Variants in HIVEP3 observed in about 807,000 individuals in gnomAD.
HIVEP3 encodes the protein HIVEP zinc finger 3, also known as transcription factor HIVEP3.
HIVEP3 carries 49 observed loss-of-function variants against 152.8 expected under a neutral mutation model. The observed-to-expected ratio is 0.32, with a 90% CI of 0.26 to 0.41. The LOEUF is 0.41. HIVEP3 is among the 10% of genes least tolerant of loss of function. HIVEP3 has a pLI of 1.00. For missense variants in HIVEP3, 2,790 were observed against 3,103.3 expected, an observed-to-expected ratio of 0.90 and a Z score of 2.40; for synonymous variants, 1,269 against 1,289.0, an observed-to-expected ratio of 0.98 and a Z score of 0.33.
chr1:41,901,910 A>G (rs1644631069), intron 1 of HIVEP3, among the ~76,000 whole-genome samples: 1 of 152,188 alleles, frequency 6.6e-6, no homozygotes, highest in Non-Finnish European at 1.5e-5. Context: ...TGTTAGGGCG[A>G]GCTCCTTGTC....
At chr1:41,956,058 C>A (rs16828927) in intron 1 of HIVEP3, among the ~76,000 whole-genome samples, 3 of 152,210 alleles carry the variant, frequency 2.0e-5, no homozygotes, top group African/African-American at 7.2e-5. Flanking sequence ...GGCTGAATTC[C>A]CCAGGGAGTC....
intron 5 of HIVEP3, among the ~76,000 whole-genome samples, chr1:41,529,153 TCACCCTCACACATGCTCACACCC>T (rs1643143957): frequency 3.7e-5 from 1 of 26,908 alleles, no homozygotes; most frequent in Non-Finnish European, 7.0e-5. Flanking sequence ...ACACACACCC[TCACCCTCACACATGCTCACACCC>T]CACCCTCACA....
chr1:41,540,055 G>A (rs192212089), intron 5 of HIVEP3, among the ~76,000 whole-genome samples: 2 of 152,360 alleles, frequency 1.3e-5, no homozygotes, highest in East Asian at 3.9e-4. Context: ...GGTGGTGAAG[G>A]AGAGGAAAGG....
chr1:41,898,205 G>A (rs532180524), intron 1 of HIVEP3, among the ~76,000 whole-genome samples: 229 of 152,328 alleles, frequency 1.5e-3, no homozygotes, highest in African/African-American at 5.3e-3. Flanking sequence ...TCACTGTATG[G>A]ACACAAAACT....
At chr1:41,955,273 AG>A (rs1291798389) in intron 1 of HIVEP3, among the ~76,000 whole-genome samples, 2 of 152,114 alleles carry the variant, frequency 1.3e-5, no homozygotes, top group East Asian at 3.9e-4. Context: ...GAGCCGTTTT[AG>A]AAAAATTGTG....
chr1:41,952,289 G>A (rs1215085700), intron 1 of HIVEP3, among the ~76,000 whole-genome samples: 2 of 152,166 alleles, frequency 1.3e-5, no homozygotes, highest in African/African-American at 4.8e-5. Context: ...AGATAAGAGG[G>A]TGATCAACTT....
intron 1 of HIVEP3, among the ~76,000 whole-genome samples, chr1:41,941,337 G>A (rs564693555): frequency 3.9e-5 from 6 of 152,306 alleles, no homozygotes; most frequent in African/African-American, 1.2e-4. Flanking sequence ...ACTGGAAGAC[G>A]ATGGCCAAGG....
intron 5 of HIVEP3, among the ~76,000 whole-genome samples, chr1:41,575,228 G>C (rs1644308624): frequency 6.6e-6 from 1 of 152,218 alleles, no homozygotes; most frequent in African/African-American, 2.4e-5. Context: ...GGGATACTGG[G>C]ATGGCAACTC....
At chr1:41,767,810 C>T (rs1207597438) in intron 1 of HIVEP3, among the ~76,000 whole-genome samples, 1 of 152,224 alleles carries the variant, frequency 6.6e-6, no homozygotes, top group African/African-American at 2.4e-5. Context: ...GTTCATCTGG[C>T]CCAAACTTGT....
At chr1:41,880,578 TGAG>T (rs923957135) in intron 1 of HIVEP3, among the ~76,000 whole-genome samples, 33 of 152,094 alleles carry the variant, frequency 2.2e-4, no homozygotes, top group African/African-American at 8.0e-4. Context: ...TTGGCTTGGG[TGAG>T]GAGAAGGAAG....
chr1:41,705,054 G>T (rs956547911), intron 1 of HIVEP3, among the ~76,000 whole-genome samples: 2 of 152,196 alleles, frequency 1.3e-5, no homozygotes, highest in Non-Finnish European at 2.9e-5. Context: ...GGCACTGTGC[G>T]AGGTTCTGGT....
intron 1 of HIVEP3, among the ~76,000 whole-genome samples, chr1:41,809,749 G>A (rs1377795282): frequency 1.3e-5 from 2 of 152,036 alleles, no homozygotes; most frequent in African/African-American, 4.8e-5. Context: ...GCAGATCCTG[G>A]GCCTGTGCAC....
intron 1 of HIVEP3, among the ~76,000 whole-genome samples, chr1:41,723,501 CCACACA>C (rs35823066): frequency 3.3e-4 from 49 of 146,536 alleles, no homozygotes; most frequent in East Asian, 9.9e-4. Context: ...CACACAGCCA[CCACACA>C]CACACACACA....
At chr1:41,872,908 T>C (rs191377841) in intron 1 of HIVEP3, among the ~76,000 whole-genome samples, 14 of 152,326 alleles carry the variant, frequency 9.2e-5, no homozygotes, top group Admixed American at 4.6e-4. Flanking sequence ...CTTGAGTAAA[T>C]ACCTAGGAGT....
Position 41,581,940 on chromosome 1 carries a change from T to C in HIVEP3, c.2858A>G (p.Asp953Gly), listed in dbSNP as rs764478000. The change falls in exon 4 of 9, where the codon GAC (aspartate) becomes GGC (glycine). Residue 953 changes from aspartate to glycine, a missense_variant. Coordinates refer to ENST00000372583, the MANE Select transcript of HIVEP3 (RefSeq NM_024503.5). The surrounding 1 kb of genome is among the most constrained non-coding windows in gnomAD (Gnocchi z 4.5). The part of the protein sequence containing the change: ...SSRSASFERD[D>G]HGKAEAPSPS... ...ACTGGGGGCCTCGGCTTTCCCATGG[T>C]CATCCCTCTCAAACGAGGCTGAGCG... is the stretch of plus-strand genomic sequence containing the variant. The C allele has an allele frequency of 6.2e-7, 1 of 1,614,150 alleles. No homozygotes were observed. Among genetic ancestry groups the C allele is most frequent in the Non-Finnish European group, 8.5e-7 (1 of 1,180,026 alleles).
chr1:41,936,027 G>A (rs1645018493), intron 1 of HIVEP3, among the ~76,000 whole-genome samples: 1 of 151,976 alleles, frequency 6.6e-6, no homozygotes, highest in African/African-American at 2.4e-5. Context: ...AGACTACATA[G>A]GAAAGACAGT....
At chr1:41,592,057 T>C (rs1431577542) in intron 3 of HIVEP3, among the ~76,000 whole-genome samples, 1 of 152,128 alleles carries the variant, frequency 6.6e-6, no homozygotes, top group Non-Finnish European at 1.5e-5. Flanking sequence ...GGTGGGACAG[T>C]GAGTAGCACA....
intron 2 of HIVEP3, among the ~76,000 whole-genome samples, chr1:41,647,770 G>A (rs150333188): frequency 0.016 from 2,498 of 152,342 alleles, 32 homozygotes; most frequent in Non-Finnish European, 0.022. Flanking sequence ...TCCCTACAAA[G>A]TCCCAATCGC....
At chr1:41,578,476 T>A (rs1310616699) in intron 4 of HIVEP3, among the ~76,000 whole-genome samples, 1 of 152,180 alleles carries the variant, frequency 6.6e-6, no homozygotes, top group Non-Finnish European at 1.5e-5. Context: ...ACAAATTCAA[T>A]GCACAAAGTT....
Sources: allele counts gnomAD v4.1 joint callset (sites outside exome capture counted in the v4.1 genomes callset), GRCh38; gene constraint gnomAD v4.1.1; non-coding constraint Gnocchi (gnomAD v3.1); transcripts MANE v1.5; gene names NCBI Gene and HGNC (gene_info 2026-07-23, HGNC 2026-07-21).